ADAT3: variants seen among roughly 807,000 people sequenced by gnomAD.
The protein encoded by ADAT3 is tRNA-specific adenosine-34 deaminase regulatory subunit ADAT3.
ADAT3 carries 2 observed loss-of-function variants against 3.5 expected under a neutral mutation model. The observed-to-expected ratio is 0.57, with a 90% CI of 0.23 to 1.79. The LOEUF (loss-of-function observed/expected upper bound fraction) is 1.79. Ranked by LOEUF, ADAT3 falls within the 40% of genes most tolerant of loss-of-function variation. The pLI is 0.18. For missense variants in ADAT3, 735 were observed against 571.4 expected, an observed-to-expected ratio of 1.29 and a Z score of -2.92; for synonymous variants, 358 against 270.3, an observed-to-expected ratio of 1.32 and a Z score of -3.18.
In ADAT3 at chr19:1,908,381, C is replaced by A. The variant is rs940992299; in HGVS notation, c.-159+2942C>A. 9.8e-6 allele frequency: 4 copies of A among 406,878 alleles called. No individual in the cohort carries two copies. The highest frequency in any genetic ancestry group is 2.0e-5 in the Non-Finnish European group (4 of 196,242). 25.2% of individuals were successfully genotyped at this position (406,878 alleles called of 1,614,324 possible). ...GTTCCACTGGCTGCTGGTCCCCCAT[C>A]TGTGGGGCGCCCCGGCGGCTGAGGC... On this transcript the variant is annotated intron_variant, in intron 1 of 1. Coordinates refer to ENST00000329478, the MANE Select transcript of ADAT3 (RefSeq NM_138422.4). The surrounding 1 kb of genome is among the most constrained non-coding windows in gnomAD (Gnocchi z 4.2).
chr19:1,905,878 C>T (rs149287217), intron 1 of ADAT3: 34 of 152,372 alleles, frequency 2.2e-4, no homozygotes, highest in African/African-American at 7.9e-4. Context: ...GTGGAGATTC[C>T]CCTAGGCCTT....
In ADAT3 at chr19:1,912,820, A is replaced by G. The variant is rs774018779; in HGVS notation, c.773A>G (p.Asp258Gly). ...CGCGGCCAGGGCCGCGGCACCTACG[A>G]CTTCAGACCCTTCCCCGCCTGCTCC... ...VARGQGRGTY[D>G]FRPFPACSFA... The change falls in exon 2 of 2, where the codon GAC becomes GGC. Residue 258 changes from aspartate to glycine, a missense_variant. Coordinates refer to ENST00000329478, the MANE Select transcript of ADAT3 (RefSeq NM_138422.4). 18 of 1,587,606 alleles carry G rather than the reference A, an allele frequency of 1.1e-5. No individual in the cohort carries two copies. Among genetic ancestry groups the G allele is most frequent in the Non-Finnish European group, 1.5e-5 (18 of 1,174,524 alleles).
chr19:1,906,296 G>A (rs972657608), intron 1 of ADAT3: 3 of 152,156 alleles, frequency 2.0e-5, no homozygotes, highest in South Asian at 4.1e-4. Flanking sequence ...GGAGGTGGAG[G>A]TTGCAGTGAG....
At position 1,908,473 on chromosome 19, in the gene ADAT3, C is replaced by G. The variant is rs2013258647; in HGVS notation, c.-159+3034C>G. 4.2e-6 allele frequency: 2 copies of G among 470,970 alleles called. No homozygotes were observed. The highest frequency in any genetic ancestry group is 8.8e-6 in the Non-Finnish European group (2 of 226,996). 29.2% of individuals were successfully genotyped at this position (470,970 alleles called of 1,614,324 possible). A position where few individuals can be genotyped will look rare whatever the true frequency, so the allele number is the denominator to read the frequency against. On this transcript the variant is annotated intron_variant, in intron 1 of 1. Transcript: ENST00000329478. This position sits in a 1 kb window ranked among gnomAD's most constrained non-coding sequence, Gnocchi z 4.2. ...GCGCGGCTGCGAAATGATCCAGAGA[C>G]ACATCCCTGTCTGCGGGAGGAGCCG...
Position 1,913,188 on chromosome 19 carries a change from G to C in ADAT3, c.*37G>C. Reference sequence around the variant, plus strand: ...CTGCCTCCGGACCCTTCCCGCTCCCGGCCGTGGGGCGCCCCTCCTGGACTT... The same window carrying C: ...CTGCCTCCGGACCCTTCCCGCTCCCCGCCGTGGGGCGCCCCTCCTGGACTT... On this transcript the variant is annotated 3_prime_UTR_variant, in exon 2 of 2. Coordinates refer to ENST00000329478, the MANE Select transcript of ADAT3 (RefSeq NM_138422.4). The C allele has an allele frequency of 1.4e-6, 2 of 1,470,994 alleles. No individual in the cohort carries two copies. The highest frequency in any genetic ancestry group is 1.8e-6 in the Non-Finnish European group (2 of 1,111,802). The allele number at this position is 1,470,994 out of a possible 1,614,324, so 91.1% of individuals were successfully genotyped here. A position where few individuals can be genotyped will look rare whatever the true frequency, so the allele number is the denominator to read the frequency against.
rs757738047 is a variant in ADAT3, at chr19:1,908,583, C to G, written c.-159+3144C>G. ...ATTTTAAGATCATCTGCGGCTTAGC[C>G]CCAGCACCATCTGAGGCAGTACTGT... is the stretch of plus-strand genomic sequence containing the variant. On this transcript the variant is annotated intron_variant, in intron 1 of 1. Transcript: ENST00000329478. The surrounding 1 kb of genome is among the most constrained non-coding windows in gnomAD (Gnocchi z 4.2). 24 of 470,976 alleles carry G rather than the reference C, an allele frequency of 5.1e-5. 1 individual carries two copies. The highest frequency in any genetic ancestry group is 7.7e-5 in the South Asian group (5 of 64,574). 29.2% of individuals were successfully genotyped at this position (470,976 alleles called of 1,614,324 possible).
At position 1,912,965 on chromosome 19, in the gene ADAT3, CTGCGCCATG is replaced by C. The variant is rs768965706; in HGVS notation, c.928_936del (p.Cys310_Met312del). The stretch of plus-strand genomic sequence containing the variant: ...ACGACCTGTACGTGACCCGCGAGCC[CTGCGCCATG>C]TGCGCCATGGCCCTGGTGCACGCAC... On this transcript the variant is annotated inframe_deletion, in exon 2 of 2. Transcript: ENST00000329478. 44 of 1,610,076 alleles carry C rather than the reference CTGCGCCATG, an allele frequency of 2.7e-5. No homozygotes were observed. Among genetic ancestry groups the C allele is most frequent in the African/African-American group, 9.3e-5 (7 of 74,910 alleles).
intron 1 of ADAT3, chr19:1,906,683 T>TA (rs2031728430): frequency 6.7e-6 from 1 of 149,004 alleles, no homozygotes; most frequent in South Asian, 2.1e-4. Context: ...ACCCTGTCTC[T>TA]ACTAAAAATA....
rs2013058637 is a variant in ADAT3 at position 1,905,561 on chromosome 19, G to T, written c.-159+122G>T. ...CCGGCCGTTTGTGGGGAGAAAACGG[G>T]GGGCCCAGGCCAGCCTCGCGCGCGT... is the stretch of plus-strand genomic sequence containing the variant. On this transcript the variant is annotated intron_variant, in intron 1 of 1. Coordinates refer to ENST00000329478, the MANE Select transcript of ADAT3 (RefSeq NM_138422.4). The T allele has an allele frequency of 2.0e-5, 6 of 293,916 alleles. 2 individuals are homozygous for T. Among genetic ancestry groups the T allele is most frequent in the South Asian group, 1.4e-4 (6 of 41,454 alleles). 18.2% of individuals were successfully genotyped at this position (293,916 alleles called of 1,614,324 possible). A position where few individuals can be genotyped will look rare whatever the true frequency, so the allele number is the denominator to read the frequency against.
Position 1,908,622 on chromosome 19 carries a change from CTG to C in ADAT3, c.-159+3186_-159+3187del, listed in dbSNP as rs1264873791. 2 of 469,806 alleles carry C rather than the reference CTG, an allele frequency of 4.3e-6. No homozygotes were observed. Among genetic ancestry groups the C allele is most frequent in the Admixed American group, 2.4e-5 (1 of 42,266 alleles). The allele number at this position is 469,806 out of a possible 1,614,324, so 29.1% of individuals were successfully genotyped here. A position where few individuals can be genotyped will look rare whatever the true frequency, so the allele number is the denominator to read the frequency against. ...AGGCAGTACTGTCTGCTAGAAATAA[CTG>C]TGAGCACACAGGTAGTAAGGTTTTT... is the stretch of plus-strand genomic sequence containing the variant. On this transcript the variant is annotated intron_variant, in intron 1 of 1. Transcript: ENST00000329478. The surrounding 1 kb of genome is among the most constrained non-coding windows in gnomAD (Gnocchi z 4.2).
chr19:1,913,439 CA>C lies in ADAT3; in HGVS notation c.*292del. On this transcript the variant is annotated 3_prime_UTR_variant, in exon 2 of 2. Coordinates refer to ENST00000329478, the MANE Select transcript of ADAT3 (RefSeq NM_138422.4). ...TGCTCTGATGGGAAAATAAACAGCC[CA>C]AAACCAAGTGGGTGTCTGTTAGGAG... 1.8e-6 allele frequency: 1 copy of C among 542,344 alleles called. No homozygotes were observed. The allele number at this position is 542,344 out of a possible 1,614,324, so 33.6% of individuals were successfully genotyped here. A position where few individuals can be genotyped will look rare whatever the true frequency, so the allele number is the denominator to read the frequency against.
Position 1,908,706 on chromosome 19 carries a change from C to T in ADAT3, c.-158-3184C>T, listed in dbSNP as rs1305669329. 1 of 393,664 alleles carries T rather than the reference C, an allele frequency of 2.5e-6. No homozygotes were observed. 24.4% of individuals were successfully genotyped at this position (393,664 alleles called of 1,614,324 possible). ...AAGGAACAGGGTCTCTCTATCTTGCCCACGTTGGTCTCAAACTCCTGTGCT... is the reference window on the plus strand; with the variant it reads ...AAGGAACAGGGTCTCTCTATCTTGCTCACGTTGGTCTCAAACTCCTGTGCT... On this transcript the variant is annotated intron_variant, in intron 1 of 1. Coordinates refer to ENST00000329478, the MANE Select transcript of ADAT3 (RefSeq NM_138422.4). The surrounding 1 kb of genome is among the most constrained non-coding windows in gnomAD (Gnocchi z 4.2).
chr19:1,912,872 C>A lies in ADAT3; in HGVS notation c.825C>A (p.Ala275=), dbSNP rs761557355. ...TCGCCCCGGCCGCTGCCCCCCAGGC[C>A]GTCCGCGCAGGCGCCGTGCGTAAAC... The part of the protein sequence containing the change: ...CSFAPAAAPQ[A]VRAGAVRKLD... The change falls in exon 2 of 2, where the codon GCC becomes GCA. Residue 275 remains alanine, a synonymous_variant. Coordinates refer to ENST00000329478, the MANE Select transcript of ADAT3 (RefSeq NM_138422.4). The A allele has an allele frequency of 4.4e-6, 7 of 1,601,712 alleles. No homozygotes were observed. The highest frequency in any genetic ancestry group is 1.7e-5 in the Admixed American group (1 of 59,792).
At chr19:1,905,494 G>C (rs2013052993) in intron 1 of ADAT3, 55 bp downstream of exon 1, 2 of 434,818 alleles carry the variant, frequency 4.6e-6, no homozygotes, top group South Asian at 3.3e-5. Flanking sequence ...TCCCCAGAGG[G>C]GGAGTAGGGG....
Position 1,912,202 on chromosome 19 carries a change from A to C in ADAT3, c.155A>C (p.Gln52Pro). 1 of 1,589,328 alleles carries C rather than the reference A, an allele frequency of 6.3e-7. No homozygotes were observed. The highest frequency in any genetic ancestry group is 2.3e-5 in the East Asian group (1 of 43,906). Residue 52 changes from glutamine to proline, a missense_variant, in exon 2 of 2, where the codon CAG becomes CCG. Transcript: ENST00000329478. ...GCCCTCCCTGTCCTGTCCGAGAAGC[A>C]GTCAGGGGACGTGGAGCTGGTGCTG... ...WQALPVLSEKQSGDVELVLAY... is the reference protein window; with the variant it reads ...WQALPVLSEKPSGDVELVLAY...
Position 1,912,353 on chromosome 19 carries a change from C to G in ADAT3, c.306C>G (p.Ser102Arg). Reference sequence around the variant, plus strand: ...TGCGGCCCAGCCGCGATGCCGGCAGCCCCCACGCCCTGGAGATGCTGCTTT... The same window carrying G: ...TGCGGCCCAGCCGCGATGCCGGCAGGCCCCACGCCCTGGAGATGCTGCTTT... The part of the protein sequence containing the change: ...KRVRPSRDAG[S>R]PHALEMLLCL... Residue 102 changes from serine to arginine, a missense_variant, in exon 2 of 2, where the codon AGC (serine) becomes AGG (arginine). Transcript: ENST00000329478. The G allele has an allele frequency of 6.5e-7, 1 of 1,529,488 alleles. No individual in the cohort carries two copies. Among genetic ancestry groups the G allele is most frequent in the Non-Finnish European group, 8.7e-7 (1 of 1,146,056 alleles). The allele number at this position is 1,529,488 out of a possible 1,614,324, so 94.7% of individuals were successfully genotyped here.
chr19:1,909,192 A>G (rs1180576987), intron 1 of ADAT3, among the ~76,000 whole-genome samples: 1 of 149,978 alleles, frequency 6.7e-6, no homozygotes, highest in Non-Finnish European at 1.5e-5. Context: ...GGGCAGATGC[A>G]GGTGGGGGAA....
Position 1,912,347 on chromosome 19 carries a change from C to T in ADAT3, c.300C>T (p.Ala100=), listed in dbSNP as rs753255054. ...AGCGGGTGCGGCCCAGCCGCGATGC[C>T]GGCAGCCCCCACGCCCTGGAGATGC... ...HLKRVRPSRD[A]GSPHALEMLL... Residue 100 remains alanine (A), a synonymous_variant, in exon 2 of 2, where the codon GCC becomes GCT. Coordinates refer to ENST00000329478, the MANE Select transcript of ADAT3 (RefSeq NM_138422.4). 6.5e-6 allele frequency: 10 copies of T among 1,532,070 alleles called. No individual in the cohort carries two copies. The Admixed American group carries it at 1.2e-4, about 18-fold the overall frequency. The allele number at this position is 1,532,070 out of a possible 1,614,324, so 94.9% of individuals were successfully genotyped here. A position where few individuals can be genotyped will look rare whatever the true frequency, so the allele number is the denominator to read the frequency against.
intron 1 of ADAT3, among the ~76,000 whole-genome samples, chr19:1,910,636 G>T (rs1218348035): frequency 1.3e-5 from 2 of 149,382 alleles, no homozygotes; most frequent in East Asian, 4.0e-4. Context: ...GAGTGCAGTG[G>T]CACGATCTCG....
Sources: gnomAD v4.1 joint callset for allele counts (sites outside exome capture counted in the v4.1 genomes callset) on GRCh38, gnomAD v4.1.1 for gene constraint, Gnocchi (gnomAD v3.1) non-coding constraint, MANE v1.5 for transcripts, NCBI Gene and HGNC (gene_info 2026-07-23, HGNC 2026-07-21) for gene names.